Variants in ELP4 observed in about 807,000 individuals in gnomAD.
ELP4 encodes the protein elongator acetyltransferase complex subunit 4, also known as elongator complex protein 4.
In ELP4, 51 loss-of-function variants were observed where a neutral mutation model predicts 48.9. That is an observed-to-expected ratio of 1.04 (90% CI 0.83 to 1.32). The LOEUF (loss-of-function observed/expected upper bound fraction) is 1.32, where lower values mean the gene tolerates loss of function less well. Ranked by LOEUF, ELP4 falls within the 40% of genes most tolerant of loss-of-function variation. The pLI, the probability that ELP4 is intolerant of heterozygous loss-of-function variation, is 0.00. For synonymous variants in ELP4, 210 were observed against 189.2 expected (o/e 1.11, Z -0.90); for missense variants, 519 against 514.6 (o/e 1.01, Z -0.08).
chr11:31,643,404 G>A (rs879373716), intron 7 of ELP4, among the ~76,000 whole-genome samples: 1 of 151,660 alleles, frequency 6.6e-6, no homozygotes, highest in Non-Finnish European at 1.5e-5. Flanking sequence ...TGATAATTAA[G>A]TTATTGGTTA....
intron 9 of ELP4, chr11:31,681,741 C>CTTT (rs367852606): frequency 2.9e-4 from 41 of 142,014 alleles, no homozygotes; most frequent in South Asian, 2.2e-3. Flanking sequence ...TATTTCTTTC[C>CTTT]TTTTTTTTTT....
intron 9 of ELP4, among the ~76,000 whole-genome samples, chr11:31,684,533 A>G (rs1011826148): frequency 1.3e-5 from 2 of 152,164 alleles, no homozygotes; most frequent in Admixed American, 1.3e-4. Context: ...ATACATAGCA[A>G]TGTAGGAGAA....
chr11:31,748,105 T>C (rs984336140), intron 9 of ELP4, among the ~76,000 whole-genome samples: 3 of 152,244 alleles, frequency 2.0e-5, no homozygotes. Flanking sequence ...AAGATAATTT[T>C]AGAACATCCT....
intron 9 of ELP4, among the ~76,000 whole-genome samples, chr11:31,732,483 A>AG (rs1947214165): frequency 6.6e-6 from 1 of 151,538 alleles, no homozygotes; most frequent in Non-Finnish European, 1.5e-5. Context: ...AAAAAAAAAA[A>AG]TAAATGAAAA....
intron 9 of ELP4, among the ~76,000 whole-genome samples, chr11:31,733,471 C>A (rs1592262947): frequency 2.2e-5 from 2 of 91,278 alleles, no homozygotes; most frequent in South Asian, 4.4e-4. Context: ...AGTGAGACTC[C>A]ATCTCAAAAA....
chr11:31,516,883 G>A lies in ELP4; in HGVS notation c.224-3173G>A, dbSNP rs551183084. 3.9e-5 allele frequency among the ~76,000 whole-genome samples: 6 copies of A among 152,182 alleles called. No homozygotes were observed. The South Asian group carries it at 1.2e-3, about 32-fold the overall frequency. ...AAAGTTATCCTATGTAGTCTGTTGC[G>A]ACTTTAAATGCTATATGAAGGAACC... On this transcript the variant is annotated intron_variant, in intron 1 of 9. Transcript: ENST00000640961.
At chr11:31,675,237 G>A (rs1234005875) in intron 9 of ELP4, among the ~76,000 whole-genome samples, 1 of 152,018 alleles carries the variant, frequency 6.6e-6, no homozygotes, top group Non-Finnish European at 1.5e-5. Flanking sequence ...GTCATGAGAG[G>A]GAGTGTAGTA....
At chr11:31,765,510 A>C (rs1948023952) in intron 9 of ELP4, among the ~76,000 whole-genome samples, 1 of 152,144 alleles carries the variant, frequency 6.6e-6, no homozygotes, top group African/African-American at 2.4e-5. Context: ...GCAACTACCA[A>C]AATCTTAAGC....
At chr11:31,630,509 A>G (rs548537780) in intron 6 of ELP4, among the ~76,000 whole-genome samples, 3 of 152,022 alleles carry the variant, frequency 2.0e-5, no homozygotes, top group East Asian at 1.9e-4. Flanking sequence ...TTGTATTTTT[A>G]GTAGAGACAG....
chr11:31,771,808 T>A lies in ELP4; in HGVS notation c.1144-11585T>A, dbSNP rs796120248. ...TCCTGGCTAACACAGTGAAACCCTG[T>A]ATCTACTAAAGATACAAAAATTTAG... On this transcript the variant is annotated intron_variant, in intron 9 of 9. Coordinates refer to ENST00000640961, the MANE Select transcript of ELP4 (RefSeq NM_019040.5). 5.9e-5 allele frequency among the ~76,000 whole-genome samples: 9 copies of A among 152,278 alleles called. No homozygotes were observed. The South Asian group carries it at 6.2e-4, about 11-fold the overall frequency.
rs532525185 is a variant in ELP4 at position 31,521,954 on chromosome 11, C to A, written c.259+1863C>A. ...TGTGAAGTACCTGCCAACTTCTTAC[C>A]AGTCATTTACTTACATCAATACAAT... is the stretch of plus-strand genomic sequence containing the variant. On this transcript the variant is annotated intron_variant, in intron 2 of 9. Coordinates refer to ENST00000640961, the MANE Select transcript of ELP4 (RefSeq NM_019040.5). Among the ~76,000 whole-genome samples, 5 of 152,224 alleles carry A rather than the reference C, an allele frequency of 3.3e-5. No individual in the cohort carries two copies. In the South Asian group the frequency reaches 1.0e-3, roughly 32 times the overall value.
intron 9 of ELP4, among the ~76,000 whole-genome samples, chr11:31,708,358 A>G (rs1174839772): frequency 2.6e-5 from 4 of 152,148 alleles, no homozygotes; most frequent in Non-Finnish European, 4.4e-5. Flanking sequence ...ATATTTCACA[A>G]TTTTAGCAGT....
At chr11:31,726,896 A>G (rs1380983208) in intron 9 of ELP4, among the ~76,000 whole-genome samples, 3 of 152,240 alleles carry the variant, frequency 2.0e-5, no homozygotes, top group Admixed American at 6.5e-5. Context: ...AAACAGAAAC[A>G]TAATTTATAA....
At position 31,783,383 on chromosome 11, in the gene ELP4, T is replaced by A. The variant is rs767443067; in HGVS notation, c.1144-10T>A. 8 of 1,599,762 alleles carry A rather than the reference T, an allele frequency of 5.0e-6. No individual in the cohort carries two copies. The highest frequency in any genetic ancestry group is 4.3e-6 in the Non-Finnish European group (5 of 1,173,550). On this transcript the variant is annotated splice_polypyrimidine_tract_variant and intron_variant, in intron 9 of 9. Coordinates refer to ENST00000640961, the MANE Select transcript of ELP4 (RefSeq NM_019040.5). ...TTCTTTTTTTCTTCTCCTGAAATCTTCTGCCATAGCGACTGCATTTGCCTC... is the reference window on the plus strand; with the variant it reads ...TTCTTTTTTTCTTCTCCTGAAATCTACTGCCATAGCGACTGCATTTGCCTC...
At chr11:31,763,583 T>C (rs748627257) in intron 9 of ELP4, 4 of 1,551,344 alleles carry the variant, frequency 2.6e-6, no homozygotes, top group South Asian at 2.5e-5. Context: ...CTAAAGCTTC[T>C]ACTGAAAGAG....
At chr11:31,774,200 A>T (rs150375096) in intron 9 of ELP4, among the ~76,000 whole-genome samples, 1,883 of 152,238 alleles carry the variant, frequency 0.012, 34 homozygotes, top group Non-Finnish European at 0.017. Flanking sequence ...AAGACTTAAC[A>T]TTCTGGCCTC....
chr11:31,687,998 G>A (rs776725017), intron 9 of ELP4, among the ~76,000 whole-genome samples: 8 of 152,292 alleles, frequency 5.3e-5, no homozygotes, highest in Admixed American at 2.0e-4. Flanking sequence ...CGTTGACAGC[G>A]TGTTGGATAA....
At chr11:31,746,133 A>G (rs1174389270) in intron 9 of ELP4, among the ~76,000 whole-genome samples, 3 of 152,246 alleles carry the variant, frequency 2.0e-5, no homozygotes, top group South Asian at 2.1e-4. Flanking sequence ...AAACACATGA[A>G]AAAATGCTCA....
At chr11:31,676,707 T>G (rs113918397) in intron 9 of ELP4, among the ~76,000 whole-genome samples, 4 of 152,194 alleles carry the variant, frequency 2.6e-5, no homozygotes, top group African/African-American at 9.7e-5. Context: ...TTTGCTGGTA[T>G]TATTTAATCC....
Sources: gnomAD v4.1 joint callset for allele counts (sites outside exome capture counted in the v4.1 genomes callset) on GRCh38, gnomAD v4.1.1 for gene constraint, MANE v1.5 for transcripts, NCBI Gene and HGNC (gene_info 2026-07-23, HGNC 2026-07-21) for gene names.